The following RNF213 variants were observed in gnomAD, a reference collection of about 807,000 sequenced individuals.
RNF213 encodes ring finger protein 213.
A neutral mutation model predicts 514.4 loss-of-function variants in RNF213; 341 were observed. The observed-to-expected ratio is 0.66, with a 90% CI of 0.61 to 0.73. The LOEUF (loss-of-function observed/expected upper bound fraction) is 0.73. Ranked by LOEUF, RNF213 falls within the 30% of genes least tolerant of loss-of-function variation. RNF213 has a pLI of 0.00. For synonymous variants in RNF213, 2,655 were observed against 2,658.2 expected (o/e 1.00, Z 0.04); for missense variants, 5,767 against 6,615.6 (o/e 0.87, Z 4.45).
intron 36 of RNF213, chr17:80,354,916 T>C: frequency 2.6e-6 from 1 of 381,998 alleles, no homozygotes; most frequent in Non-Finnish European, 5.0e-6. Flanking sequence ...GAAGTTAAAA[T>C]GACGTGCAGA....
At chr17:80,322,004 G>T (rs767963102) in intron 17 of RNF213, among the ~76,000 whole-genome samples, 23 of 152,226 alleles carry the variant, frequency 1.5e-4, no homozygotes, top group African/African-American at 5.5e-4. Flanking sequence ...GATTACAGGC[G>T]TGAGCCACTG....
At chr17:80,290,391 G>A (rs1020268089) in intron 6 of RNF213, among the ~76,000 whole-genome samples, 179 bp from the exon 7 acceptor site, 4 of 151,340 alleles carry the variant, frequency 2.6e-5, no homozygotes, top group African/African-American at 4.9e-5. Context: ...ACGTGTGTGC[G>A]TGTACGTGTG....
intron 2 of RNF213, among the ~76,000 whole-genome samples, chr17:80,270,553 C>A (rs1356574783): frequency 6.6e-6 from 1 of 152,172 alleles, no homozygotes; most frequent in South Asian, 2.1e-4. Context: ...CTGTGCCGGT[C>A]GTTGGGTGGA....
At chr17:80,371,848 C>A in intron 46 of RNF213, 26 bp from the exon 47 acceptor site, 1 of 1,174,568 alleles carries the variant, frequency 8.5e-7, no homozygotes, top group Non-Finnish European at 1.3e-6. Flanking sequence ...CTGAGAGAAC[C>A]AGGAATAATA....
chr17:80,273,515 G>T, intron 3 of RNF213, 111 bp downstream of exon 3: 4 of 1,356,664 alleles, frequency 2.9e-6, no homozygotes, highest in Non-Finnish European at 4.1e-6. Context: ...CCAGCCCATT[G>T]AACCTGCCCA....
At chr17:80,296,936 C>T (rs2143423741) in intron 10 of RNF213, among the ~76,000 whole-genome samples, 1 of 151,858 alleles carries the variant, frequency 6.6e-6, no homozygotes, top group Non-Finnish European at 1.5e-5. Flanking sequence ...GCCTCGACCT[C>T]CCAAAGTGCT....
In RNF213 at chr17:80,293,838, A is replaced by AT. The variant is rs961654706; in HGVS notation, c.1472-882_1472-881insT. 6.6e-5 allele frequency among the ~76,000 whole-genome samples: 10 copies of AT among 151,706 alleles called. No homozygotes were observed. In the South Asian group the frequency reaches 1.2e-3, roughly 19 times the overall value. Reference sequence around the variant, plus strand: ...GGAGACTCAGTCTAAAAAAAAAAAAACATGTGATAGGGGATTTGACCTGGA... The same window carrying AT: ...GGAGACTCAGTCTAAAAAAAAAAAAATCATGTGATAGGGGATTTGACCTGGA... On this transcript the variant is annotated intron_variant, in intron 8 of 67. Coordinates refer to ENST00000582970, the MANE Select transcript of RNF213 (RefSeq NM_001256071.3).
rs990329493 is a variant in RNF213 at position 80,353,977 on chromosome 17, G to C, written c.10579-42G>C. Reference sequence around the variant, plus strand: ...GGGCGGTTTGGCTTTTGCCCACTGTGTCAGTGGCAGAAACGGATGACCCAA... The same window carrying C: ...GGGCGGTTTGGCTTTTGCCCACTGTCTCAGTGGCAGAAACGGATGACCCAA... On this transcript the variant is annotated intron_variant, in intron 34 of 67. Transcript: ENST00000582970. The surrounding 1 kb of genome is among the most constrained non-coding windows in gnomAD (Gnocchi z 5.0). 3 of 1,612,318 alleles carry C rather than the reference G, an allele frequency of 1.9e-6. No individual in the cohort carries two copies. Among genetic ancestry groups the C allele is most frequent in the African/African-American group, 2.7e-5 (2 of 74,900 alleles).
intron 3 of RNF213, chr17:80,278,976 C>G: frequency 1.3e-6 from 2 of 1,523,338 alleles, no homozygotes; most frequent in Non-Finnish European, 1.8e-6. Context: ...CAGCCTGGCA[C>G]GGCCACCTCG....
At position 80,380,922 on chromosome 17, in the gene RNF213, GTCT is replaced by G; in HGVS notation, c.13735_13737del (p.Phe4579del). ...ATGTGACCGAGGGCTGCCCCCAGTGGTCTTCCTCCTTATCCGGCTACTCACTCA... is the reference window on the plus strand; with the variant it reads ...ATGTGACCGAGGGCTGCCCCCAGTGGTCCTCCTTATCCGGCTACTCACTCA... On this transcript the variant is annotated inframe_deletion, in exon 56 of 68. Coordinates refer to ENST00000582970, the MANE Select transcript of RNF213 (RefSeq NM_001256071.3). 1 of 1,614,188 alleles carries G rather than the reference GTCT, an allele frequency of 6.2e-7. No homozygotes were observed. Among genetic ancestry groups the G allele is most frequent in the Non-Finnish European group, 8.5e-7 (1 of 1,180,036 alleles).
At position 80,384,868 on chromosome 17, in the gene RNF213, A is replaced by G. The variant is rs2080170410; in HGVS notation, c.14323-171A>G. The G allele has an allele frequency of 1.1e-5, 8 of 730,238 alleles. No individual in the cohort carries two copies. The East Asian group carries it at 2.2e-4, about 20-fold the overall frequency. 45.2% of individuals were successfully genotyped at this position (730,238 alleles called of 1,614,324 possible). ...TTCTAGCACACTGCACTGTCTGTAG[A>G]CTTGTGGGAAGAACTTTTCCCGTTT... On this transcript the variant is annotated intron_variant, in intron 59 of 67. Coordinates refer to ENST00000582970, the MANE Select transcript of RNF213 (RefSeq NM_001256071.3).
In RNF213 at chr17:80,295,445, G is replaced by C. The variant is rs148140383; in HGVS notation, c.1756-112G>C. On this transcript the variant is annotated intron_variant, in intron 9 of 67. Transcript: ENST00000582970. ...CTCCTGTGGCTCTCACAGGTGTGGT[G>C]GTGGGGCACGGATGGGGTCTGCTGC... 1,400 of 1,349,362 alleles carry C rather than the reference G, an allele frequency of 1.0e-3. 14 individuals are homozygous for C. The African/African-American group carries it at 0.013, about 13-fold the overall frequency. 83.6% of individuals were successfully genotyped at this position (1,349,362 alleles called of 1,614,324 possible). A position where few individuals can be genotyped will look rare whatever the true frequency, so the allele number is the denominator to read the frequency against.
At chr17:80,307,101 C>T in intron 12 of RNF213, 27 bp from the exon 13 acceptor site, 1 of 1,609,292 alleles carries the variant, frequency 6.2e-7, no homozygotes, top group Non-Finnish European at 8.5e-7. Flanking sequence ...ATCTTTTGTC[C>T]TGTTTTTCTT....
rs1261184982 is a variant in RNF213 at position 80,332,394 on chromosome 17, G to A, written c.3906G>A (p.Glu1302=). ...AGTCAGGAGAGGTCACCCTTGCAGA[G>A]ATTGATGTCATCTTCAAGGACTTTG... is the stretch of plus-strand genomic sequence containing the variant. ...DLKSGEVTLA[E]IDVIFKDFVN... Residue 1302 remains glutamate, a synonymous_variant, in exon 21 of 68, where the codon GAG becomes GAA. Coordinates refer to ENST00000582970, the MANE Select transcript of RNF213 (RefSeq NM_001256071.3). The A allele has an allele frequency of 6.5e-7, 1 of 1,537,170 alleles. No individual in the cohort carries two copies. The highest frequency in any genetic ancestry group is 1.2e-5 in the South Asian group (1 of 84,064).
intron 11 of RNF213, 48 bp downstream of exon 11, chr17:80,298,566 T>G: frequency 6.2e-7 from 1 of 1,607,242 alleles, no homozygotes; most frequent in Non-Finnish European, 8.5e-7. Context: ...GAAGACTGAC[T>G]CCTACATTGT....
At chr17:80,295,921 T>TA in intron 10 of RNF213, 108 bp downstream of exon 10, 2 of 1,269,832 alleles carry the variant, frequency 1.6e-6, no homozygotes, top group Non-Finnish European at 1.1e-6. Context: ...AGGCAAGAAA[T>TA]AAAACCACCC....
intron 7 of RNF213, among the ~76,000 whole-genome samples, chr17:80,291,149 T>C (rs2044712355): frequency 6.6e-6 from 1 of 152,186 alleles, no homozygotes; most frequent in South Asian, 2.1e-4. Flanking sequence ...ATGACATTCT[T>C]CGGGTTCTGG....
chr17:80,282,462 A>G (rs2044335483), intron 3 of RNF213, among the ~76,000 whole-genome samples: 2 of 151,858 alleles, frequency 1.3e-5, no homozygotes, highest in Non-Finnish European at 2.9e-5. Context: ...GCAGTGGCAC[A>G]ATCTCGGCTC....
chr17:80,274,950 TGG>T (rs201574428), intron 3 of RNF213, among the ~76,000 whole-genome samples: 3 of 26,392 alleles, frequency 1.1e-4, no homozygotes, highest in South Asian at 1.4e-3. Flanking sequence ...GGTGTGTGAG[TGG>T]GGGGTGTGTG....
Sources: allele counts gnomAD v4.1 joint callset (sites outside exome capture counted in the v4.1 genomes callset), GRCh38; gene constraint gnomAD v4.1.1; non-coding constraint Gnocchi (gnomAD v3.1); transcripts MANE v1.5; gene names NCBI Gene and HGNC (gene_info 2026-07-23, HGNC 2026-07-21).